The following ADK variants were observed in gnomAD, a reference collection of about 807,000 sequenced individuals.
ADK encodes adenosine kinase.
A neutral mutation model predicts 44.7 loss-of-function variants in ADK; 24 were observed. The observed-to-expected ratio is 0.54, with a 90% confidence interval of 0.39 to 0.76. The LOEUF is 0.76. ADK is among the 30% of genes least tolerant of loss of function. The pLI is 0.00. For synonymous variants in ADK, 128 were observed against 142.6 expected (o/e 0.90, Z 0.73); for missense variants, 321 against 425.1 (o/e 0.76, Z 2.15).
Position 74,376,357 on chromosome 10 carries a change from C to CA in ADK, c.274-17782dup, listed in dbSNP as rs375734796. Among the ~76,000 whole-genome samples, 759 of 152,108 alleles carry CA rather than the reference C, an allele frequency of 5.0e-3. 12 individuals carry two copies. The highest frequency in any genetic ancestry group is 0.017 in the African/African-American group (707 of 41,506). ...ACATTTTTGTTTTCTTATCATATAT[C>CA]AAGTTTTTCATTTTAATTATTTATT... On this transcript the variant is annotated intron_variant, in intron 4 of 10. Coordinates refer to ENST00000539909, the MANE Select transcript of ADK (RefSeq NM_006721.4).
chr10:74,305,159 C>T (rs1029392198), intron 3 of ADK, among the ~76,000 whole-genome samples: 2 of 152,160 alleles, frequency 1.3e-5, no homozygotes, highest in Non-Finnish European at 2.9e-5. Context: ...AGGAAAAACA[C>T]TCTTTACATG....
At chr10:74,308,796 C>T (rs181514288) in intron 3 of ADK, among the ~76,000 whole-genome samples, 1 of 152,070 alleles carries the variant, frequency 6.6e-6, no homozygotes, top group South Asian at 2.1e-4. Flanking sequence ...GTTAACACAA[C>T]GTGAGGTCTT....
rs575982558 is a variant in ADK, at chr10:74,639,711, C to T, written c.878-30472C>T. 2.6e-5 allele frequency among the ~76,000 whole-genome samples: 4 copies of T among 152,196 alleles called. No individual in the cohort carries two copies. In the South Asian group the frequency reaches 8.3e-4, roughly 32 times the overall value. ...ATTAGCCGGGCGTGGTGGCATGTACCTGTAATCCCAGCTACATGGCAGACT... is the reference window on the plus strand; with the variant it reads ...ATTAGCCGGGCGTGGTGGCATGTACTTGTAATCCCAGCTACATGGCAGACT... On this transcript the variant is annotated intron_variant, in intron 9 of 10. Coordinates refer to ENST00000539909, the MANE Select transcript of ADK (RefSeq NM_006721.4).
At chr10:74,433,685 G>A (rs1339621163) in intron 6 of ADK, among the ~76,000 whole-genome samples, 2 of 151,446 alleles carry the variant, frequency 1.3e-5, no homozygotes, top group East Asian at 1.9e-4. Flanking sequence ...AATCATTTAA[G>A]TCAGTCATTC....
intron 3 of ADK, among the ~76,000 whole-genome samples, chr10:74,290,370 A>G (rs1296145469): frequency 6.6e-6 from 1 of 152,144 alleles, no homozygotes; most frequent in Non-Finnish European, 1.5e-5. Context: ...TTAATTTTGT[A>G]TGCAAAATAA....
rs572758343 is a variant in ADK at position 74,410,785 on chromosome 10, G to A, written c.555+12206G>A. Among the ~76,000 whole-genome samples, 4 of 152,266 alleles carry A rather than the reference G, an allele frequency of 2.6e-5. No individual in the cohort carries two copies. In the South Asian group the frequency reaches 8.3e-4, roughly 32 times the overall value. On this transcript the variant is annotated intron_variant, in intron 6 of 10. Coordinates refer to ENST00000539909, the MANE Select transcript of ADK (RefSeq NM_006721.4). ...AACATAATCTATACTGTTACAATAA[G>A]TACACTTTGGCAGAGTAAGTGAACT...
chr10:74,527,715 A>G (rs1849111965), intron 7 of ADK: 1 of 1,400,418 alleles, frequency 7.1e-7, no homozygotes, highest in Admixed American at 1.7e-5. Flanking sequence ...TGTCCACTGG[A>G]CGTTTTAGTC....
chr10:74,702,315 C>G (rs1456451417), intron 10 of ADK, among the ~76,000 whole-genome samples: 1 of 151,724 alleles, frequency 6.6e-6, no homozygotes, highest in Non-Finnish European at 1.5e-5. Context: ...TCCCAAGTAG[C>G]TGGGACTACA....
chr10:74,291,073 T>G (rs1040790434), intron 3 of ADK, among the ~76,000 whole-genome samples: 1 of 152,202 alleles, frequency 6.6e-6, no homozygotes, highest in African/African-American at 2.4e-5. Context: ...GTAAAATACG[T>G]ACTAAAGAAT....
At chr10:74,413,361 T>C (rs1010821415) in intron 6 of ADK, among the ~76,000 whole-genome samples, 3 of 152,212 alleles carry the variant, frequency 2.0e-5, no homozygotes, top group Non-Finnish European at 2.9e-5. Context: ...TGAAAACCTG[T>C]TGTTCAGTGC....
At chr10:74,558,808 C>T (rs1457655384) in intron 7 of ADK, among the ~76,000 whole-genome samples, 1 of 152,078 alleles carries the variant, frequency 6.6e-6, no homozygotes, top group African/African-American at 2.4e-5. Flanking sequence ...AAAGATTATC[C>T]CTTGGAGCTT....
chr10:74,293,429 C>T (rs1839699349), intron 3 of ADK, among the ~76,000 whole-genome samples: 2 of 152,090 alleles, frequency 1.3e-5, no homozygotes, highest in African/African-American at 4.8e-5. Context: ...CGATGCTTCT[C>T]AGAGGGTTTC....
intron 7 of ADK, among the ~76,000 whole-genome samples, chr10:74,563,998 T>A (rs1240515505): frequency 6.6e-6 from 1 of 152,016 alleles, no homozygotes; most frequent in Non-Finnish European, 1.5e-5. Flanking sequence ...ACCCACTAAC[T>A]CGTCATCTAG....
chr10:74,690,679 C>G (rs754274657), intron 10 of ADK, among the ~76,000 whole-genome samples: 6 of 152,160 alleles, frequency 3.9e-5, no homozygotes, highest in Admixed American at 1.3e-4. Flanking sequence ...CATTCAACAC[C>G]CAGCTCATGT....
intron 4 of ADK, among the ~76,000 whole-genome samples, chr10:74,373,905 A>G (rs770073566): frequency 6.6e-6 from 1 of 152,228 alleles, no homozygotes; most frequent in Non-Finnish European, 1.5e-5. Flanking sequence ...TGATAAATGA[A>G]TAAACAAAAT....
intron 3 of ADK, among the ~76,000 whole-genome samples, chr10:74,312,365 G>A (rs1372674667): frequency 6.6e-6 from 1 of 151,142 alleles, no homozygotes; most frequent in East Asian, 1.9e-4. Flanking sequence ...AGATACTGGG[G>A]TTTCTAAGTC....
chr10:74,653,517 C>G (rs778441914), intron 9 of ADK, among the ~76,000 whole-genome samples: 5 of 150,702 alleles, frequency 3.3e-5, no homozygotes, highest in Non-Finnish European at 3.0e-5. Flanking sequence ...CTTTTTTTTT[C>G]CCCTGGTGCT....
chr10:74,533,658 T>G (rs1849364977), intron 7 of ADK, among the ~76,000 whole-genome samples: 1 of 152,196 alleles, frequency 6.6e-6, no homozygotes, highest in Non-Finnish European at 1.5e-5. Flanking sequence ...CAAATATTGG[T>G]AAGGATATAT....
intron 1 of ADK, among the ~76,000 whole-genome samples, chr10:74,191,876 G>T (rs909681935): frequency 2.6e-5 from 4 of 152,072 alleles, no homozygotes; most frequent in Admixed American, 6.5e-5. Context: ...CACATTCAGG[G>T]TATTAAACTA....
Sources: gnomAD v4.1 joint callset for allele counts (sites outside exome capture counted in the v4.1 genomes callset) on GRCh38, gnomAD v4.1.1 for gene constraint, MANE v1.5 for transcripts, NCBI Gene and HGNC (gene_info 2026-07-23, HGNC 2026-07-21) for gene names.